LRRC37A: variants seen among roughly 807,000 people sequenced by gnomAD.
LRRC37A encodes leucine rich repeat containing 37A, also known as leucine-rich repeat-containing protein 37A.
A neutral mutation model predicts 35.4 loss-of-function variants in LRRC37A; 3 were observed. The observed-to-expected ratio is 0.08, with a 90% confidence interval of 0.04 to 0.22. LRRC37A has a LOEUF of 0.22. Among genes scored for constraint, LRRC37A ranks in the 10% least tolerant of loss-of-function variants. The pLI is 1.00. For synonymous variants in LRRC37A, 23 were observed against 215.0 expected, an observed-to-expected ratio of 0.11 and a Z score of 7.81; for missense variants, 67 against 565.3, an observed-to-expected ratio of 0.12 and a Z score of 8.94.
the LRRC37A span, among the ~76,000 whole-genome samples, chr17:46,269,360 C>T: frequency 1.3e-5 from 2 of 152,158 alleles, no homozygotes; most frequent in Non-Finnish European, 2.9e-5. Flanking sequence ...ATGGAAAAAC[C>T]CTGTCTCTAC....
At chr17:46,258,178 G>T in the LRRC37A span, among the ~76,000 whole-genome samples, 1 of 152,150 alleles carries the variant, frequency 6.6e-6, no homozygotes, top group Non-Finnish European at 1.5e-5. Context: ...CACAGCCCAG[G>T]TAAGAGTTCA....
chr17:46,267,893 CTTTTTTTTTT>C, the LRRC37A span, among the ~76,000 whole-genome samples: 23 of 89,286 alleles, frequency 2.6e-4, no homozygotes, highest in Admixed American at 1.4e-3. Context: ...ACTCCCACAT[CTTTTTTTTTT>C]TTTTTTTTTT....
the LRRC37A span, among the ~76,000 whole-genome samples, chr17:46,253,855 G>A: frequency 2.0e-5 from 3 of 152,142 alleles, no homozygotes; most frequent in Non-Finnish European, 4.4e-5. Flanking sequence ...CCATTTGAAA[G>A]GAACCTTTCT....
the LRRC37A span, chr17:46,267,574 C>T: frequency 1.2e-6 from 2 of 1,611,708 alleles, no homozygotes; most frequent in Non-Finnish European, 1.7e-6. Context: ...CCGTTTGTAA[C>T]GTGGGTGCCA....
chr17:46,275,333 A>G, the LRRC37A span: 3 of 869,324 alleles, frequency 3.5e-6, no homozygotes, highest in Non-Finnish European at 5.2e-6. Context: ...AAAATAGTTC[A>G]GGCAACAAGA....
chr17:46,280,376 C>G, the LRRC37A span, among the ~76,000 whole-genome samples: 6 of 151,344 alleles, frequency 4.0e-5, no homozygotes, highest in African/African-American at 1.5e-4. Flanking sequence ...AAACACAAAA[C>G]AACAGAAAAA....
the LRRC37A span, among the ~76,000 whole-genome samples, chr17:46,268,179 G>A: frequency 1.3e-5 from 2 of 152,070 alleles, no homozygotes; most frequent in Admixed American, 6.5e-5. Flanking sequence ...CCCACACCCC[G>A]TGCTACTTTT....
the LRRC37A span, among the ~76,000 whole-genome samples, chr17:46,250,592 C>T: frequency 1.3e-5 from 2 of 152,084 alleles, no homozygotes; most frequent in Admixed American, 6.6e-5. Context: ...CCTCCAACAT[C>T]GGACTCCAAG....
the LRRC37A span, among the ~76,000 whole-genome samples, chr17:46,253,904 C>A: frequency 1.3e-5 from 2 of 152,306 alleles, no homozygotes; most frequent in Admixed American, 6.5e-5. Flanking sequence ...CTATGTAATT[C>A]TTTCCAAGGA....
At chr17:46,323,380 C>T (rs999307564) in intron 7 of LRRC37A, among the ~76,000 whole-genome samples, 3 of 98,168 alleles carry the variant, frequency 3.1e-5, no homozygotes, top group African/African-American at 9.8e-5. Context: ...TTGTGTTTGG[C>T]TCCTTTCACA....
At chr17:46,263,783 G>A in the LRRC37A span, among the ~76,000 whole-genome samples, 1 of 151,622 alleles carries the variant, frequency 6.6e-6, no homozygotes, top group Non-Finnish European at 1.5e-5. Context: ...GAACCTGGGA[G>A]GTGGAGGTTG....
chr17:46,268,153 G>A, the LRRC37A span, among the ~76,000 whole-genome samples: 12,938 of 138,906 alleles, frequency 0.093, 1 homozygote, highest in Middle Eastern at 0.15. Context: ...GGCTGGTTAC[G>A]TATTGCTTTC....
chr17:46,275,894 A>T, the LRRC37A span, among the ~76,000 whole-genome samples: 5 of 147,590 alleles, frequency 3.4e-5, no homozygotes, highest in Admixed American at 6.8e-5. Flanking sequence ...TTTATTCACA[A>T]TTTTTTTTTT....
At chr17:46,282,414 TTTG>T in the LRRC37A span, among the ~76,000 whole-genome samples, 1 of 121,136 alleles carries the variant, frequency 8.3e-6, no homozygotes, top group Non-Finnish European at 2.0e-5. Context: ...CAGTTTTTTG[TTTG>T]TTTTTTTTTT....
the LRRC37A span, among the ~76,000 whole-genome samples, chr17:46,276,790 CTTT>C: frequency 2.2e-5 from 3 of 134,306 alleles, no homozygotes; most frequent in Non-Finnish European, 3.2e-5. Flanking sequence ...TTCTTTTTTT[CTTT>C]TTTTTTTTTT....
chr17:46,276,104 T>G, the LRRC37A span, among the ~76,000 whole-genome samples: 13 of 152,368 alleles, frequency 8.5e-5, no homozygotes, highest in African/African-American at 3.1e-4. Context: ...TTGGCCAGGC[T>G]GGTCGCAAAC....
At chr17:46,257,102 A>T in the LRRC37A span, among the ~76,000 whole-genome samples, 1 of 152,108 alleles carries the variant, frequency 6.6e-6, no homozygotes, top group Non-Finnish European at 1.5e-5. Context: ...TCAGTTACTC[A>T]TCTGTAAAAC....
the LRRC37A span, among the ~76,000 whole-genome samples, chr17:46,250,795 C>G: frequency 1.3e-5 from 2 of 152,336 alleles, no homozygotes; most frequent in East Asian, 3.9e-4. Flanking sequence ...TTGGGAGGCT[C>G]AGGCAGGAGG....
chr17:46,268,746 G>C, the LRRC37A span: 1 of 1,289,110 alleles, frequency 7.8e-7, no homozygotes, highest in Non-Finnish European at 1.0e-6. Flanking sequence ...AACAAGACAT[G>C]AAAGGTCTAT....
Sources: gnomAD v4.1 joint callset for allele counts (sites outside exome capture counted in the v4.1 genomes callset) on GRCh38, gnomAD v4.1.1 for gene constraint, MANE v1.5 for transcripts, NCBI Gene and HGNC (gene_info 2026-07-23, HGNC 2026-07-21) for gene names.